Variants in LRRTM4 observed in about 807,000 individuals in gnomAD.
LRRTM4 encodes the protein leucine rich repeat transmembrane neuronal 4.
Under a neutral mutation model 47.6 loss-of-function variants are expected in LRRTM4, and 25 were observed. The observed-to-expected ratio is 0.53, with a 90% CI of 0.38 to 0.73. The LOEUF (loss-of-function observed/expected upper bound fraction) is 0.73. Ranked by LOEUF, LRRTM4 falls within the 30% of genes least tolerant of loss-of-function variation. The pLI, the probability that LRRTM4 is intolerant of heterozygous loss-of-function variation, is 0.00. For synonymous variants in LRRTM4, 311 were observed against 269.5 expected (o/e 1.15, Z -1.51); for missense variants, 638 against 713.4 (o/e 0.89, Z 1.20).
chr2:77,297,220 G>C (rs921486511), intron 3 of LRRTM4, among the ~76,000 whole-genome samples: 1 of 152,098 alleles, frequency 6.6e-6, no homozygotes, highest in African/African-American at 2.4e-5. Flanking sequence ...CAAGGGGGCC[G>C]TAGGAGGCCC....
intron 3 of LRRTM4, among the ~76,000 whole-genome samples, chr2:77,416,609 T>A (rs1177919048): frequency 6.6e-6 from 1 of 152,088 alleles, no homozygotes; most frequent in Non-Finnish European, 1.5e-5. Context: ...GAAATTACTA[T>A]TGTCAAAAGT....
At chr2:76,965,433 A>G (rs565611914) in intron 3 of LRRTM4, among the ~76,000 whole-genome samples, 64 of 151,250 alleles carry the variant, frequency 4.2e-4, no homozygotes, top group African/African-American at 1.3e-3. Context: ...CCATATCAAC[A>G]GGGTAAAAAA....
chr2:77,350,022 C>T lies in LRRTM4; in HGVS notation c.1551+168296G>A, dbSNP rs189610717. Among the ~76,000 whole-genome samples, 28 of 151,996 alleles carry T rather than the reference C, an allele frequency of 1.8e-4. No individual in the cohort carries two copies. The East Asian group carries it at 3.9e-3, about 21-fold the overall frequency. On this transcript the variant is annotated intron_variant, in intron 3 of 3. Coordinates refer to ENST00000409884, the MANE Select transcript of LRRTM4 (RefSeq NM_001134745.3). ...CTTTTTCACTCGTAAATTTTTATCA[C>T]GAAGAAATTGGAAATGCTGGCCGGG...
intron 3 of LRRTM4, among the ~76,000 whole-genome samples, chr2:76,981,386 T>C (rs1573399402): frequency 6.6e-6 from 1 of 152,232 alleles, no homozygotes; most frequent in East Asian, 1.9e-4. Context: ...AGGCATCTAT[T>C]CCAACTGCAT....
intron 3 of LRRTM4, among the ~76,000 whole-genome samples, chr2:77,025,997 T>C (rs1376877183): frequency 6.6e-6 from 1 of 152,102 alleles, no homozygotes; most frequent in Non-Finnish European, 1.5e-5. Context: ...TGAATCAAAA[T>C]AAAGCATGTG....
intron 3 of LRRTM4, among the ~76,000 whole-genome samples, chr2:77,298,749 T>G (rs1677042405): frequency 6.6e-6 from 1 of 152,176 alleles, no homozygotes; most frequent in African/African-American, 2.4e-5. Flanking sequence ...ATTAACTAAT[T>G]AATCTTCCAT....
chr2:77,090,733 A>C (rs1342730206), intron 3 of LRRTM4, among the ~76,000 whole-genome samples: 1 of 151,944 alleles, frequency 6.6e-6, no homozygotes, highest in Non-Finnish European at 1.5e-5. Context: ...TTTGTGCCAG[A>C]CCCCACTGGA....
intron 3 of LRRTM4, among the ~76,000 whole-genome samples, chr2:76,923,593 G>GA (rs1158560904): frequency 6.6e-6 from 1 of 151,900 alleles, no homozygotes; most frequent in East Asian, 1.9e-4. Context: ...ATCAACACAA[G>GA]AAAATCTTGT....
chr2:77,422,533 A>AT (rs1472355429), intron 3 of LRRTM4, among the ~76,000 whole-genome samples: 3 of 152,224 alleles, frequency 2.0e-5, no homozygotes, highest in Admixed American at 2.0e-4. Context: ...CACATCAACC[A>AT]TTTGCAAGAG....
At chr2:76,791,736 G>A (rs1025978801) in intron 3 of LRRTM4, among the ~76,000 whole-genome samples, 6 of 152,184 alleles carry the variant, frequency 3.9e-5, no homozygotes, top group Non-Finnish European at 7.3e-5. Flanking sequence ...TCGACATGTA[G>A]AACTACATTC....
intron 3 of LRRTM4, among the ~76,000 whole-genome samples, chr2:77,426,604 A>G (rs1331408743): frequency 1.3e-5 from 2 of 152,116 alleles, no homozygotes; most frequent in Non-Finnish European, 2.9e-5. Flanking sequence ...AGTTACCCCC[A>G]TGCTACTGTT....
intron 3 of LRRTM4, among the ~76,000 whole-genome samples, chr2:77,157,332 G>A (rs1025617853): frequency 1.3e-5 from 2 of 152,052 alleles, no homozygotes; most frequent in Non-Finnish European, 2.9e-5. Context: ...CAAAAACTGG[G>A]CAAAGAATTG....
intron 3 of LRRTM4, among the ~76,000 whole-genome samples, chr2:77,324,895 C>T (rs576501056): frequency 6.6e-6 from 1 of 152,170 alleles, no homozygotes; most frequent in Non-Finnish European, 1.5e-5. Flanking sequence ...GTGATTCGAA[C>T]CAAGGTCATG....
At chr2:77,002,465 C>T (rs1033735138) in intron 3 of LRRTM4, among the ~76,000 whole-genome samples, 11 of 152,130 alleles carry the variant, frequency 7.2e-5, no homozygotes, top group African/African-American at 2.2e-4. Context: ...TTCCCCATAA[C>T]CACCATTGCT....
chr2:76,995,663 G>C (rs569656279), intron 3 of LRRTM4, among the ~76,000 whole-genome samples: 1 of 152,004 alleles, frequency 6.6e-6, no homozygotes, highest in Non-Finnish European at 1.5e-5. Context: ...GAAAGCTGGA[G>C]GGAATAGAGA....
chr2:77,021,102 C>CTATCTATG (rs1185291649), intron 3 of LRRTM4, among the ~76,000 whole-genome samples: 3 of 130,524 alleles, frequency 2.3e-5, no homozygotes, highest in East Asian at 2.8e-4. Context: ...CTGTATCTAT[C>CTATCTATG]TATCTATGTA....
At chr2:77,006,255 G>A (rs1677641366) in intron 3 of LRRTM4, among the ~76,000 whole-genome samples, 1 of 152,016 alleles carries the variant, frequency 6.6e-6, no homozygotes, top group Admixed American at 6.6e-5. Context: ...TCTTTAATCT[G>A]GACCCTAACA....
chr2:76,794,396 T>C (rs1452171313), intron 3 of LRRTM4, among the ~76,000 whole-genome samples: 1 of 152,202 alleles, frequency 6.6e-6, no homozygotes, highest in African/African-American at 2.4e-5. Context: ...AGTCCCTAAA[T>C]ACTGCTATAT....
chr2:77,476,890 T>C (rs780445480), intron 3 of LRRTM4, among the ~76,000 whole-genome samples: 1 of 152,082 alleles, frequency 6.6e-6, no homozygotes, highest in Non-Finnish European at 1.5e-5. Context: ...ACATTATTAA[T>C]TTCTCTTTGA....
Sources: gnomAD v4.1 joint callset for allele counts (sites outside exome capture counted in the v4.1 genomes callset) on GRCh38, gnomAD v4.1.1 for gene constraint, MANE v1.5 for transcripts, NCBI Gene and HGNC (gene_info 2026-07-23, HGNC 2026-07-21) for gene names.